Variants in IGBP1 observed in about 807,000 individuals in gnomAD.
IGBP1 encodes immunoglobulin-binding protein 1.
Under a neutral mutation model 25.9 loss-of-function variants are expected in IGBP1, and 2 were observed. The ratio of observed to expected loss-of-function variants is 0.08; its 90% CI spans 0.03 to 0.24. IGBP1 has a LOEUF of 0.24. Ranked by LOEUF, IGBP1 falls within the 10% of genes least tolerant of loss-of-function variation. The probability of loss-of-function intolerance (pLI) is 1.00; values close to 1 mark genes in which losing one functional copy is unlikely to be tolerated. For missense variants in IGBP1, 187 were observed against 260.4 expected (o/e 0.72, Z 1.94); for synonymous variants, 96 against 93.4 (o/e 1.03, Z -0.16).
At chrX:70,134,226 AGTG>A in intron 2 of IGBP1, 91 bp downstream of exon 2, 1 of 845,101 alleles carries the variant, frequency 1.2e-6, no homozygotes. Flanking sequence ...GGGGACCTTT[AGTG>A]GTGAGAACGT....
At chrX:70,156,579 TAGAA>T (rs777746903) in intron 6 of IGBP1, among the ~76,000 whole-genome samples, 2 of 112,142 alleles carry the variant, frequency 1.8e-5, no homozygotes, top group African/African-American at 6.5e-5. Flanking sequence ...AAGAAGAAAT[TAGAA>T]AGAAAATTAG....
chrX:70,138,772 C>T (rs1277822340), intron 3 of IGBP1, among the ~76,000 whole-genome samples: 1 of 111,674 alleles, frequency 9.0e-6, no homozygotes, highest in Non-Finnish European at 1.9e-5. Context: ...GTTCCATGCT[C>T]TAGTTGTACC....
chrX:70,160,173 C>G (rs560536570), intron 6 of IGBP1, among the ~76,000 whole-genome samples: 2 of 111,351 alleles, frequency 1.8e-5, no homozygotes, highest in Admixed American at 1.9e-4. Flanking sequence ...AACTGCTGCC[C>G]GGCACCAGGC....
chrX:70,138,626 G>A (rs954381880), intron 3 of IGBP1, among the ~76,000 whole-genome samples: 4 of 111,273 alleles, frequency 3.6e-5, no homozygotes, highest in Admixed American at 2.9e-4. Context: ...ACTTTCTGAT[G>A]TGTTTCCTTT....
chrX:70,153,746 G>A (rs184210263), intron 6 of IGBP1, among the ~76,000 whole-genome samples: 3 of 111,785 alleles, frequency 2.7e-5, no homozygotes, highest in Non-Finnish European at 5.6e-5. Context: ...TGTCAGCTGG[G>A]GCTGCAGTCT....
chrX:70,159,394 G>A (rs2085258790), intron 6 of IGBP1, among the ~76,000 whole-genome samples: 1 of 111,906 alleles, frequency 8.9e-6, no homozygotes, highest in African/African-American at 3.3e-5. Context: ...AAAGTTTCTT[G>A]GGATTAAAAA....
chrX:70,142,679 C>T (rs978118239), intron 3 of IGBP1, among the ~76,000 whole-genome samples: 1 of 109,228 alleles, frequency 9.2e-6, no homozygotes, highest in Admixed American at 9.8e-5. Context: ...ATTAGCTGGG[C>T]ATGGTGATGT....
chrX:70,154,896 CAAA>C (rs371210304), intron 6 of IGBP1, among the ~76,000 whole-genome samples: 8 of 100,348 alleles, frequency 8.0e-5, no homozygotes, highest in South Asian at 4.3e-4. Context: ...GACCGTGTCT[CAAA>C]AAAAAAAGGG....
In IGBP1 at chrX:70,134,514, C is replaced by T. The variant is rs1455250546; in HGVS notation, c.189-9C>T. The T allele has an allele frequency of 8.3e-7, 1 of 1,208,975 alleles. No homozygotes were observed. Among genetic ancestry groups the T allele is most frequent in the Non-Finnish European group, 1.1e-6 (1 of 894,165 alleles). ...GTCAGGCTTCACTGCCTCCTTTTTG[C>T]TCTTCCAGCCGAAATGAAGATTTGG... On this transcript the variant is annotated splice_polypyrimidine_tract_variant and intron_variant, in intron 2 of 6. Coordinates refer to ENST00000356413, the MANE Select transcript of IGBP1 (RefSeq NM_001551.3).
chrX:70,146,920 T>C, intron 4 of IGBP1, 92 bp downstream of exon 4: 1 of 691,839 alleles, frequency 1.4e-6, no homozygotes, highest in Admixed American at 2.6e-5. Flanking sequence ...AAAATCACTG[T>C]TTTTATCAAG....
At position 70,148,820 on chromosome X, in the gene IGBP1, T is replaced by A. The variant is rs771541470; in HGVS notation, c.738T>A (p.Thr246=). ...CTCCAGTGAAACCCTTCATTCTCACTCGGAACATGGCTCAAGCCAAGTAGG... is the reference window on the plus strand; with the variant it reads ...CTCCAGTGAAACCCTTCATTCTCACACGGAACATGGCTCAAGCCAAGTAGG... The part of the protein sequence containing the change: ...ERPPVKPFIL[T]RNMAQAKVFG... The change falls in exon 5 of 7, where the codon ACT becomes ACA. Residue 246 remains threonine, a synonymous_variant. Coordinates refer to ENST00000356413, the MANE Select transcript of IGBP1 (RefSeq NM_001551.3). 8.3e-7 allele frequency: 1 copy of A among 1,200,885 alleles called. No homozygotes were observed. Among genetic ancestry groups the A allele is most frequent in the East Asian group, 3.0e-5 (1 of 33,820 alleles).
intron 3 of IGBP1, among the ~76,000 whole-genome samples, chrX:70,142,234 G>A (rs1366152272): frequency 8.9e-6 from 1 of 111,778 alleles, no homozygotes; most frequent in African/African-American, 3.3e-5. Flanking sequence ...AGGAGGCTGA[G>A]GTTGGAGGAT....
At chrX:70,159,542 C>T (rs1304282144) in intron 6 of IGBP1, among the ~76,000 whole-genome samples, 1 of 110,774 alleles carries the variant, frequency 9.0e-6, no homozygotes, top group Admixed American at 9.6e-5. Context: ...TGAACTGCTG[C>T]GGGACCTGTG....
chrX:70,153,536 G>A (rs1351650197), intron 6 of IGBP1, among the ~76,000 whole-genome samples: 1 of 112,443 alleles, frequency 8.9e-6, no homozygotes, highest in Non-Finnish European at 1.9e-5. Context: ...AAAAAGGACA[G>A]GGTAAATGGA....
At chrX:70,152,626 A>G (rs1212727410) in intron 6 of IGBP1, among the ~76,000 whole-genome samples, 2 of 112,218 alleles carry the variant, frequency 1.8e-5, no homozygotes, top group Non-Finnish European at 3.8e-5. Context: ...TATGTTTGTA[A>G]TTAATGAAAA....
intron 5 of IGBP1, 109 bp downstream of exon 5, chrX:70,148,949 G>A (rs2085184423): frequency 1.7e-6 from 1 of 599,731 alleles, no homozygotes; most frequent in Non-Finnish European, 2.8e-6. Flanking sequence ...ATGATCTTGG[G>A]TGGGCGAGGT....
In IGBP1 at chrX:70,146,561, T is replaced by G. The variant is rs1903326562; in HGVS notation, c.483-72T>G. 1.2e-5 allele frequency: 11 copies of G among 896,327 alleles called. 1 individual carries two copies. Among genetic ancestry groups the G allele is most frequent in the Middle Eastern group, 2.7e-4 (1 of 3,746 alleles). The allele number at this position is 896,327 out of a possible 1,213,427, so 73.9% of individuals were successfully genotyped here. On this transcript the variant is annotated intron_variant, in intron 3 of 6. Transcript: ENST00000356413. ...CCCTATCATTTGCAAAGGTAAAATC[T>G]TATTGAGGCCTTCTTTTGAAGGAAT...
intron 4 of IGBP1, 120 bp downstream of exon 4, chrX:70,146,948 G>A (rs771133541): frequency 7.3e-6 from 4 of 546,741 alleles, no homozygotes; most frequent in African/African-American, 6.9e-5. Context: ...TAGAAAGGCC[G>A]AAGGGTCACT....
At chrX:70,144,364 C>T (rs2147574549) in intron 3 of IGBP1, among the ~76,000 whole-genome samples, 1 of 111,724 alleles carries the variant, frequency 9.0e-6, no homozygotes, top group Admixed American at 9.6e-5. Flanking sequence ...TGAATTATAT[C>T]ACCCTAAGGT....
Sources: gnomAD v4.1 joint callset for allele counts (sites outside exome capture counted in the v4.1 genomes callset) on GRCh38, gnomAD v4.1.1 for gene constraint, MANE v1.5 for transcripts, NCBI Gene and HGNC (gene_info 2026-07-23, HGNC 2026-07-21) for gene names.